The following PCDHGB1 variants were observed in gnomAD, a reference collection of about 807,000 sequenced individuals.
PCDHGB1 encodes the protein protocadherin gamma-B1.
A neutral mutation model predicts 56.6 loss-of-function variants in PCDHGB1; 34 were observed. That is an observed-to-expected ratio of 0.60 (90% CI 0.46 to 0.80). The LOEUF (loss-of-function observed/expected upper bound fraction) is 0.80, where lower values mean the gene tolerates loss of function less well. Among genes scored for constraint, PCDHGB1 ranks in the 30% least tolerant of loss-of-function variants. PCDHGB1 has a pLI of 0.00. For missense variants in PCDHGB1, 1,278 were observed against 1,204.6 expected (o/e 1.06, Z -0.90); for synonymous variants, 561 against 505.9 (o/e 1.11, Z -1.46).
chr5:141,460,981 G>GTA (rs1491204135), intron 1 of PCDHGB1, among the ~76,000 whole-genome samples: 1,658 of 121,856 alleles, frequency 0.014, 27 homozygotes, highest in African/African-American at 0.051. Flanking sequence ...GTGTGTGTGT[G>GTA]TGTATATATA....
At position 141,351,170 on chromosome 5, in the gene PCDHGB1, G is replaced by T. The variant is rs369227522; in HGVS notation, c.910G>T (p.Asp304Tyr). ...TGDITTNGTL[D>Y]FEETSRYVLS... is the part of the protein sequence containing the mutation. ...CGACATCACAACCAATGGCACATTGGATTTTGAAGAGACAAGTAGATATGT... is the reference window on the plus strand; with the variant it reads ...CGACATCACAACCAATGGCACATTGTATTTTGAAGAGACAAGTAGATATGT... The change falls in exon 1 of 4, where the codon GAT becomes TAT. Residue 304 changes from aspartate (D) to tyrosine (Y), a missense_variant. Physicochemically the swap from Asp to Tyr is radical, Grantham distance 160. Transcript: ENST00000523390. 6.8e-6 allele frequency: 11 copies of T among 1,614,038 alleles called. No homozygotes were observed. The highest frequency in any genetic ancestry group is 9.3e-6 in the Non-Finnish European group (11 of 1,179,906).
chr5:141,461,830 CT>C (rs1030113508), intron 1 of PCDHGB1, among the ~76,000 whole-genome samples: 30 of 145,198 alleles, frequency 2.1e-4, no homozygotes, highest in Non-Finnish European at 2.4e-4. Flanking sequence ...ATTTTTTTTT[CT>C]TTTTTTTTTG....
chr5:141,421,243 C>A (rs201273667), intron 1 of PCDHGB1: 1 of 1,601,658 alleles, frequency 6.2e-7, no homozygotes. Flanking sequence ...GAATCGGCTA[C>A]AGCGCGGGGA....
At chr5:141,398,242 G>A (rs768096349) in intron 1 of PCDHGB1, 11 of 1,476,422 alleles carry the variant, frequency 7.5e-6, no homozygotes, top group Admixed American at 6.1e-5. Context: ...CAGGATTCCC[G>A]AGGAAATGCC....
At chr5:141,371,198 CATGG>C in intron 1 of PCDHGB1, 3 of 1,614,008 alleles carry the variant, frequency 1.9e-6, no homozygotes, top group Non-Finnish European at 2.5e-6. Flanking sequence ...TGGCCATTGA[CATGG>C]ATGAGGGCAT....
Position 141,485,790 on chromosome 5 carries a change from C to G in PCDHGB1, c.2410-9017C>G. 6.2e-7 allele frequency: 1 copy of G among 1,614,204 alleles called. No homozygotes were observed. The highest frequency in any genetic ancestry group is 8.5e-7 in the Non-Finnish European group (1 of 1,180,032). ...AAGCCTTTGGATCGAGAGAAGCAAT[C>G]GGACTACCGCCTGGTGCTGACTGCT... On this transcript the variant is annotated intron_variant, in intron 1 of 3. Transcript: ENST00000523390. This position sits in a 1 kb window ranked among gnomAD's most constrained non-coding sequence, Gnocchi z 5.7.
chr5:141,364,495 G>A, intron 1 of PCDHGB1: 2 of 1,614,036 alleles, frequency 1.2e-6, no homozygotes, highest in Non-Finnish European at 1.7e-6. Flanking sequence ...TTGGGCTGGA[G>A]CCCCAGGAGC....
At chr5:141,417,784 G>T in intron 1 of PCDHGB1, 2 of 1,474,908 alleles carry the variant, frequency 1.4e-6, no homozygotes, top group Non-Finnish European at 9.0e-7. Context: ...GTCCTGGGCC[G>T]AATGCTCTTT....
rs1485520054 is a variant in PCDHGB1 at position 141,511,210 on chromosome 5, C to T, written c.*37C>T. 6.2e-7 allele frequency: 1 copy of T among 1,609,328 alleles called. No individual in the cohort carries two copies. The highest frequency in any genetic ancestry group is 1.3e-5 in the African/African-American group (1 of 74,896). ...GGCCAAGAGCCACAGGGCGGCCTCT[C>T]CCCAACCAGCCCAGCTTCTCCTTAC... On this transcript the variant is annotated 3_prime_UTR_variant, in exon 4 of 4. Transcript: ENST00000523390.
At chr5:141,469,833 TTA>T (rs1343669772) in intron 1 of PCDHGB1, among the ~76,000 whole-genome samples, 2 of 152,054 alleles carry the variant, frequency 1.3e-5, no homozygotes, top group Non-Finnish European at 2.9e-5. Flanking sequence ...CACATAAAAC[TTA>T]TTCTTAAGAT....
intron 1 of PCDHGB1, chr5:141,416,320 A>G (rs1482631457): frequency 1.3e-5 from 2 of 152,208 alleles, no homozygotes; most frequent in East Asian, 1.9e-4. Flanking sequence ...TAGCATTTTA[A>G]TTTAACTTTC....
At chr5:141,420,275 G>T in intron 1 of PCDHGB1, 1 of 1,524,576 alleles carries the variant, frequency 6.6e-7, no homozygotes, top group Non-Finnish European at 8.9e-7. Flanking sequence ...TCTTAAACAG[G>T]TAAGTATTTA....
intron 1 of PCDHGB1, among the ~76,000 whole-genome samples, chr5:141,468,079 C>A (rs2099157359): frequency 6.6e-6 from 1 of 151,986 alleles, no homozygotes; most frequent in African/African-American, 2.4e-5. Context: ...AATCCCAGCA[C>A]TTTGGGAGGT....
chr5:141,403,242 C>A, intron 1 of PCDHGB1: 1 of 1,613,932 alleles, frequency 6.2e-7, no homozygotes, highest in Non-Finnish European at 8.5e-7. Flanking sequence ...GAGCTCTGTG[C>A]TCAGAGCCCG....
At chr5:141,418,458 TG>T in intron 1 of PCDHGB1, 1 of 1,614,010 alleles carries the variant, frequency 6.2e-7, no homozygotes, top group Non-Finnish European at 8.5e-7. Flanking sequence ...CAGAAGACTC[TG>T]GACCGAGAAA....
chr5:141,439,171 C>T (rs948650584), intron 1 of PCDHGB1, among the ~76,000 whole-genome samples: 3 of 146,478 alleles, frequency 2.0e-5, no homozygotes, highest in Non-Finnish European at 3.0e-5. Context: ...CCAGCCTGGG[C>T]GACATAGTGA....
intron 1 of PCDHGB1, chr5:141,366,706 G>T (rs202189432): frequency 1.0e-4 from 169 of 1,614,242 alleles, no homozygotes; most frequent in Middle Eastern, 1.6e-4. Context: ...AGCCTCTTCT[G>T]ATGTCTGATA....
At position 141,485,562 on chromosome 5, in the gene PCDHGB1, C is replaced by T. The variant is rs779890454; in HGVS notation, c.2410-9245C>T. 2.5e-6 allele frequency: 4 copies of T among 1,612,910 alleles called. No homozygotes were observed. Among genetic ancestry groups the T allele is most frequent in the Admixed American group, 1.7e-5 (1 of 59,996 alleles). On this transcript the variant is annotated intron_variant, in intron 1 of 3. Transcript: ENST00000523390. The surrounding 1 kb of genome is among the most constrained non-coding windows in gnomAD (Gnocchi z 5.7). ...GAGATCGTAGATGTGAATGATCACG[C>T]CCCCCGTTTTCCGCGGCAGCAGCTG... is the stretch of plus-strand genomic sequence containing the variant.
At chr5:141,361,581 C>A (rs1306719531) in intron 1 of PCDHGB1, 2 of 1,614,056 alleles carry the variant, frequency 1.2e-6, no homozygotes, top group Admixed American at 1.7e-5. Context: ...CTGACTTGGG[C>A]CCCAGTGGCC....
Sources: allele counts gnomAD v4.1 joint callset (sites outside exome capture counted in the v4.1 genomes callset), GRCh38; gene constraint gnomAD v4.1.1; non-coding constraint Gnocchi (gnomAD v3.1); transcripts MANE v1.5; gene names NCBI Gene and HGNC (gene_info 2026-07-23, HGNC 2026-07-21).